The following DRP2 variants were observed in gnomAD, a reference collection of about 807,000 sequenced individuals.
DRP2 encodes dystrophin-related protein 2.
Under a neutral mutation model 78.2 loss-of-function variants are expected in DRP2, and 29 were observed. The ratio of observed to expected loss-of-function variants is 0.37; its 90% CI spans 0.28 to 0.51. The LOEUF (loss-of-function observed/expected upper bound fraction) is 0.51. Ranked by LOEUF, DRP2 falls within the 20% of genes least tolerant of loss-of-function variation. DRP2 has a pLI of 0.94. For synonymous variants in DRP2, 290 were observed against 281.9 expected (o/e 1.03, Z -0.29); for missense variants, 686 against 770.6 (o/e 0.89, Z 1.30).
chrX:101,220,631 G>A (rs1021788943), intron 1 of DRP2, among the ~76,000 whole-genome samples: 1 of 110,669 alleles, frequency 9.0e-6, no homozygotes, highest in Non-Finnish European at 1.9e-5. Flanking sequence ...GGAGGAGAGA[G>A]GAAACATGGG....
intron 22 of DRP2, among the ~76,000 whole-genome samples, 166 bp downstream of exon 22, chrX:101,258,712 A>G (rs1923443494): frequency 1.8e-5 from 2 of 109,711 alleles, no homozygotes; most frequent in Non-Finnish European, 3.8e-5. Context: ...GGGGCGGGGG[A>G]AAGAAGAGAC....
chrX:101,260,440 C>T lies in DRP2; in HGVS notation c.2750-57C>T, dbSNP rs1001770374. ...CAGCTGGCAGAATTCTATCTGACCC[C>T]TTGGCCTCATAAAGGAGTCTCTAGT... is the stretch of plus-strand genomic sequence containing the variant. On this transcript the variant is annotated intron_variant, in intron 23 of 23. Coordinates refer to ENST00000395209, the MANE Select transcript of DRP2 (RefSeq NM_001939.3). 14 of 1,176,183 alleles carry T rather than the reference C, an allele frequency of 1.2e-5. No individual in the cohort carries two copies. The East Asian group carries it at 1.8e-4, about 15-fold the overall frequency.
At chrX:101,256,608 T>C (rs1011788488) in intron 21 of DRP2, among the ~76,000 whole-genome samples, 3 of 108,120 alleles carry the variant, frequency 2.8e-5, no homozygotes, top group African/African-American at 1.0e-4. Context: ...GAGTGCAGTG[T>C]CGTGATCTCG....
At chrX:101,233,859 C>G (rs1288555026) in intron 3 of DRP2, among the ~76,000 whole-genome samples, 7 of 112,093 alleles carry the variant, frequency 6.2e-5, no homozygotes, top group Non-Finnish European at 1.3e-4. Flanking sequence ...TGCCCACTAA[C>G]TATCCATTTC....
chrX:101,254,873 C>T lies in DRP2; in HGVS notation c.2129C>T (p.Pro710Leu), dbSNP rs370505047. The T allele has an allele frequency of 9.9e-6, 12 of 1,210,175 alleles. No homozygotes were observed. The highest frequency in any genetic ancestry group is 3.5e-5 in the African/African-American group (2 of 57,154). The change falls in exon 19 of 24, where the codon CCG (proline) becomes CTG (leucine). Residue 710 changes from proline (P) to leucine (L), a missense_variant. Coordinates refer to ENST00000395209, the MANE Select transcript of DRP2 (RefSeq NM_001939.3). ...CTTTCTTCTAGGCCGGCTTCTTCCC[C>T]GATGTGGCCACACGCCGACACACAC... ...ADYSETPASS[P>L]MWPHADTHSR...
intron 17 of DRP2, among the ~76,000 whole-genome samples, 200 bp from the exon 18 acceptor site, chrX:101,254,225 C>T (rs1409274177): frequency 9.0e-6 from 1 of 110,741 alleles, no homozygotes. Flanking sequence ...TGGCCCCCAC[C>T]CCTCCAGTTC....
chrX:101,229,830 C>A (rs1186695600), intron 2 of DRP2, among the ~76,000 whole-genome samples: 4 of 111,997 alleles, frequency 3.6e-5, no homozygotes, highest in African/African-American at 1.3e-4. Context: ...ATTCTCTAAA[C>A]CATCAATTGG....
In DRP2 at chrX:101,245,372, A is replaced by C. The variant is rs1922892153; in HGVS notation, c.1116-16A>C. 1.7e-6 allele frequency: 2 copies of C among 1,195,853 alleles called. No individual in the cohort carries two copies. The highest frequency in any genetic ancestry group is 2.3e-6 in the Non-Finnish European group (2 of 885,930). On this transcript the variant is annotated splice_polypyrimidine_tract_variant and intron_variant, in intron 10 of 23. Coordinates refer to ENST00000395209, the MANE Select transcript of DRP2 (RefSeq NM_001939.3). ...GGTGGTATAGATGCTGGTACTATTG[A>C]TGCTATTGTTTGTAGCCACCAGGCT...
intron 2 of DRP2, among the ~76,000 whole-genome samples, chrX:101,230,634 T>C (rs942749645): frequency 1.8e-5 from 2 of 111,476 alleles, no homozygotes; most frequent in Non-Finnish European, 3.8e-5. Flanking sequence ...CCTACAATCC[T>C]CTGCTTGTCA....
At chrX:101,228,238 T>C (rs1291246846) in intron 2 of DRP2, among the ~76,000 whole-genome samples, 2 of 111,988 alleles carry the variant, frequency 1.8e-5, no homozygotes, top group Non-Finnish European at 3.8e-5. Flanking sequence ...ATCACAAATA[T>C]GCACAAGGTT....
At chrX:101,248,647 T>A in intron 14 of DRP2, 48 bp downstream of exon 14, 1 of 1,098,306 alleles carries the variant, frequency 9.1e-7, no homozygotes, top group Non-Finnish European at 1.3e-6. Context: ...GAGGGAAAGG[T>A]GTTGCAGGGA....
At chrX:101,235,227 C>T (rs1922453198) in intron 3 of DRP2, among the ~76,000 whole-genome samples, 2 of 112,191 alleles carry the variant, frequency 1.8e-5, no homozygotes, top group Admixed American at 1.9e-4. Context: ...GCCATCAACT[C>T]TGGTCAGAGT....
intron 2 of DRP2, among the ~76,000 whole-genome samples, chrX:101,228,991 G>A (rs920245765): frequency 8.9e-6 from 1 of 111,792 alleles, no homozygotes; most frequent in Non-Finnish European, 1.9e-5. Context: ...AGCAGGCTAC[G>A]AAATGATAGC....
chrX:101,245,210 C>T (rs1922884676), intron 10 of DRP2, 133 bp downstream of exon 10: 2 of 801,115 alleles, frequency 2.5e-6, no homozygotes, highest in Non-Finnish European at 3.7e-6. Flanking sequence ...TCCTACTCAT[C>T]TCAAGATCTC....
intron 5 of DRP2, 79 bp from the exon 6 acceptor site, chrX:101,238,902 A>G: frequency 9.0e-7 from 1 of 1,112,266 alleles, no homozygotes; most frequent in Non-Finnish European, 1.2e-6. Flanking sequence ...AGAAGAAGAA[A>G]GGTTGTCAAT....
intron 2 of DRP2, among the ~76,000 whole-genome samples, chrX:101,227,265 C>CT (rs888840939): frequency 9.9e-5 from 11 of 111,442 alleles, no homozygotes; most frequent in East Asian, 5.6e-4. Flanking sequence ...TAAAATTATC[C>CT]TTTTTTTTGT....
rs1402875753 is a variant in DRP2, at chrX:101,250,734, C to T, written c.1698+154C>T. Among the ~76,000 whole-genome samples, 7 of 111,673 alleles carry T rather than the reference C, an allele frequency of 6.3e-5. No homozygotes were observed. The Admixed American group carries it at 6.6e-4, about 11-fold the overall frequency. ...ACAACAGGGCAGAGGGTTCTCTGGG[C>T]TCTAGAATCATAGTCCTGTTAGGGA... On this transcript the variant is annotated intron_variant, in intron 15 of 23. Transcript: ENST00000395209.
At position 101,264,383 on chromosome X, in the gene DRP2, G is replaced by A. The variant is rs755108348; in HGVS notation, c.*3762G>A. On this transcript the variant is annotated 3_prime_UTR_variant, in exon 24 of 24. Coordinates refer to ENST00000395209, the MANE Select transcript of DRP2 (RefSeq NM_001939.3). The stretch of plus-strand genomic sequence containing the variant: ...TGACAAGGGTGGCATGGAAGTCTAG[G>A]GGACAAAGGGACAGGGTTGGGAACA... 8 of 111,917 alleles carry A rather than the reference G, an allele frequency of 7.1e-5. No homozygotes were observed. The highest frequency in any genetic ancestry group is 1.5e-4 in the Non-Finnish European group (8 of 53,191). 9.2% of individuals were successfully genotyped at this position (111,917 alleles called of 1,213,427 possible). A position where few individuals can be genotyped will look rare whatever the true frequency, so the allele number is the denominator to read the frequency against.
intron 15 of DRP2, 50 bp downstream of exon 15, chrX:101,250,630 G>A: frequency 8.7e-7 from 1 of 1,151,146 alleles, no homozygotes; most frequent in East Asian, 3.0e-5. Flanking sequence ...TGCAGGAAGG[G>A]TGGGAAGAAG....
Sources: allele counts gnomAD v4.1 joint callset (sites outside exome capture counted in the v4.1 genomes callset), GRCh38; gene constraint gnomAD v4.1.1; transcripts MANE v1.5; gene names NCBI Gene and HGNC (gene_info 2026-07-23, HGNC 2026-07-21).